Variants in ADAM2 observed in about 807,000 individuals in gnomAD.
The protein encoded by ADAM2 is ADAM metallopeptidase domain 2.
ADAM2 carries 101 observed loss-of-function variants against 99.3 expected under a neutral mutation model. The observed-to-expected ratio is 1.02, with a 90% CI of 0.87 to 1.20. The LOEUF is 1.20. Ranked by LOEUF, ADAM2 falls within the 50% of genes most tolerant of loss-of-function variation. The probability of loss-of-function intolerance (pLI) is 0.00; values close to 1 mark genes in which losing one functional copy is unlikely to be tolerated. For synonymous variants in ADAM2, 323 were observed against 287.6 expected (o/e 1.12, Z -1.25); for missense variants, 948 against 878.7 (o/e 1.08, Z -1.00).
At chr8:39,772,286 C>G (rs1563347734) in intron 11 of ADAM2, among the ~76,000 whole-genome samples, 1 of 151,756 alleles carries the variant, frequency 6.6e-6, no homozygotes, top group African/African-American at 2.4e-5. Context: ...CTTCATTGTA[C>G]AATGTCTAAA....
chr8:39,755,998 AG>A, intron 15 of ADAM2, 87 bp from the exon 16 acceptor site: 3 of 771,200 alleles, frequency 3.9e-6, no homozygotes, highest in Non-Finnish European at 3.9e-6. Flanking sequence ...ATTTAAATAA[AG>A]TATTCAAGGT....
At chr8:39,764,479 C>T (rs901203745) in intron 14 of ADAM2, among the ~76,000 whole-genome samples, 9 of 152,116 alleles carry the variant, frequency 5.9e-5, no homozygotes, top group South Asian at 2.1e-4. Flanking sequence ...GACCTGGCAC[C>T]GCCTCTTTGC....
intron 7 of ADAM2, 152 bp from the exon 8 acceptor site, chr8:39,788,892 ATATGT>A (rs1364620089): frequency 4.6e-6 from 2 of 434,830 alleles, no homozygotes; most frequent in African/African-American, 4.1e-5. Flanking sequence ...TATACAAATT[ATATGT>A]TATATGTTCA....
intron 7 of ADAM2, among the ~76,000 whole-genome samples, chr8:39,804,151 C>T (rs751041658): frequency 2.6e-4 from 40 of 152,306 alleles, no homozygotes; most frequent in Middle Eastern, 3.4e-3. Context: ...CAAGGCAAGA[C>T]AGTGGGGAGC....
chr8:39,754,895 AAAGT>A lies in ADAM2; in HGVS notation c.1797+829_1797+832del, dbSNP rs796756806. ...TATGCATAGGTACCATATTGAATGC[AAAGT>A]AAGAAAGATAGTTATGTAGACAGAT... is the stretch of plus-strand genomic sequence containing the variant. On this transcript the variant is annotated intron_variant, in intron 16 of 20. Coordinates refer to ENST00000265708, the MANE Select transcript of ADAM2 (RefSeq NM_001464.5). 1.2e-4 allele frequency among the ~76,000 whole-genome samples: 19 copies of A among 152,340 alleles called. No individual in the cohort carries two copies. The South Asian group carries it at 3.9e-3, about 32-fold the overall frequency.
intron 11 of ADAM2, among the ~76,000 whole-genome samples, chr8:39,775,549 C>T (rs1049315509): frequency 1.3e-5 from 2 of 152,094 alleles, no homozygotes; most frequent in Non-Finnish European, 2.9e-5. Flanking sequence ...TCCCCACAGT[C>T]TTTAGGTCTA....
At chr8:39,818,678 G>A (rs574864589) in intron 6 of ADAM2, among the ~76,000 whole-genome samples, 5 of 151,990 alleles carry the variant, frequency 3.3e-5, no homozygotes, top group African/African-American at 1.2e-4. Context: ...ATAAAAAGTC[G>A]TGGAGTTCAA....
intron 14 of ADAM2, among the ~76,000 whole-genome samples, chr8:39,765,884 G>T (rs1165136568): frequency 6.6e-6 from 1 of 151,716 alleles, no homozygotes; most frequent in Non-Finnish European, 1.5e-5. Flanking sequence ...TGAGAATAAA[G>T]GTGACCACCT....
At chr8:39,811,872 C>T (rs989743934) in intron 6 of ADAM2, among the ~76,000 whole-genome samples, 1 of 152,168 alleles carries the variant, frequency 6.6e-6, no homozygotes, top group East Asian at 1.9e-4. Flanking sequence ...TGGCACAAGA[C>T]AGGGATGTCC....
rs1299276647 is a variant in ADAM2, at chr8:39,767,251, C to A, written c.1213G>T (p.Asp405Tyr). ...GEECDCGTEQ[D>Y]CALIGETCCD... ...CATGTTTCTCCAATAAGGGCACAAT[C>A]CTGTAAGGCAAATCAAATGCTCTGA... is the stretch of plus-strand genomic sequence containing the variant. Residue 405 changes from aspartate to tyrosine, a missense_variant and splice_region_variant, in exon 13 of 21, where the codon GAT (aspartate) becomes TAT (tyrosine). Transcript: ENST00000265708. 1.2e-6 allele frequency: 2 copies of A among 1,600,686 alleles called. No homozygotes were observed. Among genetic ancestry groups the A allele is most frequent in the South Asian group, 1.1e-5 (1 of 89,152 alleles).
chr8:39,836,826 T>G (rs1278217481), intron 2 of ADAM2, among the ~76,000 whole-genome samples: 1 of 152,090 alleles, frequency 6.6e-6, no homozygotes, highest in South Asian at 2.1e-4. Context: ...TTCCTCCAAA[T>G]ACAGCCTGAA....
chr8:39,804,852 A>G (rs1804372489), intron 7 of ADAM2, among the ~76,000 whole-genome samples: 1 of 152,196 alleles, frequency 6.6e-6, no homozygotes, highest in Admixed American at 6.5e-5. Context: ...CTTGCTTAAA[A>G]TACTCTTAAA....
intron 3 of ADAM2, among the ~76,000 whole-genome samples, chr8:39,828,449 A>T (rs1805495801): frequency 6.6e-6 from 1 of 151,894 alleles, no homozygotes; most frequent in South Asian, 2.1e-4. Context: ...CAAATAATTT[A>T]ATTGAGGAAT....
intron 7 of ADAM2, among the ~76,000 whole-genome samples, chr8:39,798,235 G>T (rs991398726): frequency 3.9e-5 from 6 of 152,150 alleles, no homozygotes; most frequent in Non-Finnish European, 8.8e-5. Flanking sequence ...TTTATTGAGG[G>T]TTTTTAACAT....
intron 20 of ADAM2, among the ~76,000 whole-genome samples, chr8:39,744,397 A>G (rs1823360289): frequency 6.6e-6 from 1 of 151,928 alleles, no homozygotes; most frequent in Admixed American, 6.6e-5. Context: ...CTTAATATAT[A>G]TTTATTTAAT....
At chr8:39,790,555 C>T (rs1803665447) in intron 7 of ADAM2, among the ~76,000 whole-genome samples, 2 of 151,832 alleles carry the variant, frequency 1.3e-5, no homozygotes, top group African/African-American at 2.4e-5. Context: ...GGAGTAATTG[C>T]TAATGGATGC....
At chr8:39,807,923 T>G (rs1170156177) in intron 7 of ADAM2, among the ~76,000 whole-genome samples, 1 of 152,068 alleles carries the variant, frequency 6.6e-6, no homozygotes, top group Admixed American at 6.6e-5. Flanking sequence ...ACTCAACACC[T>G]ACTCCTGATA....
At chr8:39,787,542 CTA>C (rs1280979289) in intron 9 of ADAM2, among the ~76,000 whole-genome samples, 4,529 of 128,216 alleles carry the variant, frequency 0.035, 224 homozygotes, top group African/African-American at 0.13. Context: ...CTCTCTCTCT[CTA>C]TATATATATA....
At chr8:39,744,525 C>T (rs1823367536) in intron 20 of ADAM2, among the ~76,000 whole-genome samples, 1 of 151,914 alleles carries the variant, frequency 6.6e-6, no homozygotes, top group African/African-American at 2.4e-5. Flanking sequence ...TCAACAAACA[C>T]ACACAGGAAC....
Sources: gnomAD v4.1 joint callset for allele counts (sites outside exome capture counted in the v4.1 genomes callset) on GRCh38, gnomAD v4.1.1 for gene constraint, MANE v1.5 for transcripts, NCBI Gene and HGNC (gene_info 2026-07-23, HGNC 2026-07-21) for gene names.